Variants in KLF12 observed in about 807,000 individuals in gnomAD.
KLF12 encodes KLF transcription factor 12.
KLF12 carries 9 observed loss-of-function variants against 37.8 expected under a neutral mutation model. The observed-to-expected ratio is 0.24, with a 90% CI of 0.14 to 0.42. KLF12 has a LOEUF of 0.42. Among genes scored for constraint, KLF12 ranks in the 10% least tolerant of loss-of-function variants. The probability of loss-of-function intolerance (pLI) is 1.00; values close to 1 mark genes in which losing one functional copy is unlikely to be tolerated. For missense variants in KLF12, 411 were observed against 516.0 expected (o/e 0.80, Z 1.97); for synonymous variants, 208 against 202.1 (o/e 1.03, Z -0.25).
At chr13:74,062,857 G>T (rs1393732591) in intron 1 of KLF12, among the ~76,000 whole-genome samples, 1 of 152,106 alleles carries the variant, frequency 6.6e-6, no homozygotes, top group East Asian at 1.9e-4. Flanking sequence ...TAACCCACAG[G>T]AACCTATTTT....
At chr13:74,025,884 G>A (rs758708843) in intron 1 of KLF12, among the ~76,000 whole-genome samples, 1 of 152,134 alleles carries the variant, frequency 6.6e-6, no homozygotes, top group Non-Finnish European at 1.5e-5. Flanking sequence ...CTTGACAACT[G>A]TCAGATAACC....
intron 1 of KLF12, among the ~76,000 whole-genome samples, chr13:74,068,805 C>G (rs1874064761): frequency 6.6e-6 from 1 of 152,156 alleles, no homozygotes; most frequent in African/African-American, 2.4e-5. Flanking sequence ...GATCTGCCCA[C>G]TTTGACCTCC....
chr13:73,810,982 C>CTTTTTTTTTTTTTTTTT (rs376490803), intron 5 of KLF12, among the ~76,000 whole-genome samples: 3 of 44,818 alleles, frequency 6.7e-5, no homozygotes, highest in African/African-American at 2.5e-4. Context: ...ATTTTTCTTT[C>CTTTTTTTTTTTTTTTTT]TTTTTTTTTT....
In KLF12 at chr13:73,695,344, T is replaced by C; in HGVS notation, c.*146A>G. On this transcript the variant is annotated 3_prime_UTR_variant, in exon 8 of 8. Coordinates refer to ENST00000377669, the MANE Select transcript of KLF12 (RefSeq NM_007249.5). ...GGGGTTACCTTCAGACCAAAAGAAG[T>C]GTGCCTTCTTTTTCCTGCTCTGGTT... The C allele has an allele frequency of 1.4e-6, 1 of 737,372 alleles. No individual in the cohort carries two copies. The highest frequency in any genetic ancestry group is 2.2e-6 in the Non-Finnish European group (1 of 456,506). The allele number at this position is 737,372 out of a possible 1,614,324, so 45.7% of individuals were successfully genotyped here.
chr13:74,093,563 G>A (rs1566208816), intron 1 of KLF12, among the ~76,000 whole-genome samples: 3 of 151,924 alleles, frequency 2.0e-5, no homozygotes, highest in Non-Finnish European at 4.4e-5. Context: ...ACCATAAGAT[G>A]GTCATTATCA....
chr13:73,892,391 G>C (rs185897026), intron 3 of KLF12, among the ~76,000 whole-genome samples: 9 of 152,178 alleles, frequency 5.9e-5, no homozygotes, highest in Non-Finnish European at 1.2e-4. Context: ...AGAACTTTTA[G>C]TAAAGATTCT....
At chr13:73,984,410 T>C (rs994679659) in intron 2 of KLF12, among the ~76,000 whole-genome samples, 5 of 152,150 alleles carry the variant, frequency 3.3e-5, no homozygotes, top group African/African-American at 7.2e-5. Flanking sequence ...ATTTTATTCA[T>C]AGGCCATGAC....
intron 1 of KLF12, among the ~76,000 whole-genome samples, chr13:74,019,059 A>G (rs1371362942): frequency 1.3e-5 from 2 of 152,220 alleles, no homozygotes; most frequent in African/African-American, 2.4e-5. Flanking sequence ...TTTAATTTAT[A>G]ATAACATATT....
intron 6 of KLF12, among the ~76,000 whole-genome samples, chr13:73,762,921 A>G (rs1270108302): frequency 6.6e-6 from 1 of 152,190 alleles, no homozygotes; most frequent in African/African-American, 2.4e-5. Flanking sequence ...AGTATATATC[A>G]TAGAAATCTT....
chr13:74,115,176 C>T (rs1877217593), intron 1 of KLF12, among the ~76,000 whole-genome samples: 1 of 152,170 alleles, frequency 6.6e-6, no homozygotes, highest in South Asian at 2.1e-4. Context: ...TTTTATAGAA[C>T]TTGTAATACT....
At chr13:74,210,636 C>A in the KLF12 span, among the ~76,000 whole-genome samples, 1 of 152,192 alleles carries the variant, frequency 6.6e-6, no homozygotes, top group African/African-American at 2.4e-5. Flanking sequence ...CAGCCAGTTA[C>A]TGAGCATTTT....
At chr13:74,168,694 G>A in the KLF12 span, among the ~76,000 whole-genome samples, 2 of 152,198 alleles carry the variant, frequency 1.3e-5, no homozygotes, top group Admixed American at 1.3e-4. Context: ...AATAACGGGT[G>A]GCAAAGAGTG....
At chr13:74,274,348 A>G in the KLF12 span, among the ~76,000 whole-genome samples, 1 of 152,254 alleles carries the variant, frequency 6.6e-6, no homozygotes, top group Non-Finnish European at 1.5e-5. Flanking sequence ...CAAGAGAAAA[A>G]TATTGCAGTG....
the KLF12 span, among the ~76,000 whole-genome samples, chr13:74,181,534 CA>C: frequency 6.7e-6 from 1 of 149,796 alleles, no homozygotes; most frequent in East Asian, 2.0e-4. Context: ...AACAAACAAA[CA>C]AAAAAAGAAA....
intron 3 of KLF12, among the ~76,000 whole-genome samples, chr13:73,882,954 T>C (rs1887050540): frequency 6.6e-6 from 1 of 152,326 alleles, no homozygotes; most frequent in South Asian, 2.1e-4. Context: ...ATTTTCCTGT[T>C]CATTGTATTG....
intron 5 of KLF12, among the ~76,000 whole-genome samples, chr13:73,806,170 G>A (rs1320476748): frequency 6.8e-6 from 1 of 147,460 alleles, no homozygotes; most frequent in Admixed American, 6.8e-5. Context: ...TGGAGTGCAT[G>A]ATGTTGGCTC....
At chr13:74,160,657 C>T in the KLF12 span, among the ~76,000 whole-genome samples, 1 of 152,030 alleles carries the variant, frequency 6.6e-6, no homozygotes, top group South Asian at 2.1e-4. Flanking sequence ...AAAAAGAGTT[C>T]AACTCCTTAA....
chr13:74,120,228 T>C (rs1877547991), intron 1 of KLF12, among the ~76,000 whole-genome samples: 2 of 152,204 alleles, frequency 1.3e-5, no homozygotes, highest in South Asian at 2.1e-4. Context: ...ATGCCTGTAA[T>C]CCCAGCACTT....
At chr13:73,876,656 TTA>T (rs1886719901) in intron 3 of KLF12, among the ~76,000 whole-genome samples, 1 of 149,458 alleles carries the variant, frequency 6.7e-6, no homozygotes, top group Non-Finnish European at 1.5e-5. Context: ...TTCTTATTTT[TTA>T]TGTTTCTATT....
Sources: allele counts gnomAD v4.1 joint callset (sites outside exome capture counted in the v4.1 genomes callset), GRCh38; gene constraint gnomAD v4.1.1; transcripts MANE v1.5; gene names NCBI Gene and HGNC (gene_info 2026-07-23, HGNC 2026-07-21).